GPR141: variants seen among roughly 807,000 people sequenced by gnomAD.
The protein encoded by GPR141 is G protein-coupled receptor 141, also known as probable G protein-coupled receptor 141.
A neutral mutation model predicts 6.8 loss-of-function variants in GPR141; 6 were observed. The observed-to-expected ratio is 0.88, with a 90% CI of 0.48 to 1.74. The LOEUF is 1.74. GPR141 is among the 40% of genes most tolerant of loss of function. The pLI, the probability that GPR141 is intolerant of heterozygous loss-of-function variation, is 0.01. For synonymous variants in GPR141, 140 were observed against 142.3 expected (o/e 0.98, Z 0.11); for missense variants, 372 against 372.9 (o/e 1.00, Z 0.02).
chr7:37,705,032 C>T (rs1016591560), intron 2 of GPR141, among the ~76,000 whole-genome samples: 1 of 152,138 alleles, frequency 6.6e-6, no homozygotes, highest in Admixed American at 6.5e-5. Flanking sequence ...GCAATAGCCA[C>T]TCTAATAATA....
chr7:37,736,174 C>G (rs1812224862), intron 2 of GPR141, among the ~76,000 whole-genome samples: 1 of 151,922 alleles, frequency 6.6e-6, no homozygotes, highest in Admixed American at 6.6e-5. Flanking sequence ...ATTGCTTGAA[C>G]CTGGGAGGCA....
chr7:37,722,980 T>TTCCG (rs975337045), intron 2 of GPR141, among the ~76,000 whole-genome samples: 2 of 143,496 alleles, frequency 1.4e-5, no homozygotes, highest in East Asian at 4.1e-4. Flanking sequence ...CCTTCCTTCC[T>TTCCG]TCTTTCTTTC....
rs575279801 is a variant in GPR141, at chr7:37,742,594, A to G, written c.*1283A>G. On this transcript the variant is annotated 3_prime_UTR_variant, in exon 3 of 3. Coordinates refer to ENST00000334425, the MANE Select transcript of GPR141 (RefSeq NM_001381946.1). ...ATGAAAACTGTGTTTTTAAAAGAGG[A>G]CTTTTGAGAAGTATATAGAAAAACC... Among the ~76,000 whole-genome samples the G allele has an allele frequency of 6.6e-6, 1 of 152,238 alleles. No homozygotes were observed. Among genetic ancestry groups the G allele is most frequent in the South Asian group, 2.1e-4 (1 of 4,818 alleles).
intron 2 of GPR141, among the ~76,000 whole-genome samples, chr7:37,736,406 A>G (rs1181672636): frequency 6.6e-6 from 1 of 151,992 alleles, no homozygotes; most frequent in Non-Finnish European, 1.5e-5. Context: ...GGACAAAGCA[A>G]TATTTGGCGG....
At chr7:37,729,397 C>G (rs1361693014) in intron 2 of GPR141, among the ~76,000 whole-genome samples, 2 of 152,186 alleles carry the variant, frequency 1.3e-5, no homozygotes, top group Admixed American at 6.5e-5. Flanking sequence ...CAGTTTATTT[C>G]TGGGATCCTG....
At chr7:37,731,989 A>C (rs931355739) in intron 2 of GPR141, among the ~76,000 whole-genome samples, 2 of 151,836 alleles carry the variant, frequency 1.3e-5, no homozygotes, top group African/African-American at 4.8e-5. Flanking sequence ...CCTTGTAGAA[A>C]GAAGCAAAGT....
rs1812675828 is a variant in GPR141 at position 37,743,618 on chromosome 7, G to A, written c.*2307G>A. Among the ~76,000 whole-genome samples, 3 of 151,842 alleles carry A rather than the reference G, an allele frequency of 2.0e-5. No homozygotes were observed. In the South Asian group the frequency reaches 6.2e-4, roughly 31 times the overall value. On this transcript the variant is annotated 3_prime_UTR_variant, in exon 3 of 3. Coordinates refer to ENST00000334425, the MANE Select transcript of GPR141 (RefSeq NM_001381946.1). ...AGAATTTCATTACCTTGTAGATTAT[G>A]TCATACTCTTTTCCAGATTTTAGAT...
At chr7:37,712,373 G>A (rs74886653) in intron 2 of GPR141, among the ~76,000 whole-genome samples, 6,679 of 152,292 alleles carry the variant, frequency 0.044, 201 homozygotes, top group Non-Finnish European at 0.069. Flanking sequence ...GACCCAGGGT[G>A]TGTATGTCTG....
intron 2 of GPR141, among the ~76,000 whole-genome samples, chr7:37,730,308 A>G (rs1235667079): frequency 6.6e-6 from 1 of 152,226 alleles, no homozygotes; most frequent in African/African-American, 2.4e-5. Context: ...TACAAAATAA[A>G]GTGTGAGGTG....
chr7:37,742,595 C>A lies in GPR141; in HGVS notation c.*1284C>A, dbSNP rs905961917. ...TGAAAACTGTGTTTTTAAAAGAGGA[C>A]TTTTGAGAAGTATATAGAAAAACCA... On this transcript the variant is annotated 3_prime_UTR_variant, in exon 3 of 3. Coordinates refer to ENST00000334425, the MANE Select transcript of GPR141 (RefSeq NM_001381946.1). Among the ~76,000 whole-genome samples the A allele has an allele frequency of 5.3e-5, 8 of 152,008 alleles. No homozygotes were observed. The highest frequency in any genetic ancestry group is 1.7e-4 in the African/African-American group (7 of 41,374).
chr7:37,699,585 T>G (rs1239816077), intron 2 of GPR141, among the ~76,000 whole-genome samples: 1 of 151,994 alleles, frequency 6.6e-6, no homozygotes, highest in Non-Finnish European at 1.5e-5. Context: ...AACAAATAGG[T>G]GTAGTTATGC....
chr7:37,718,162 ATAGTC>A lies in GPR141; in HGVS notation c.-14-22213_-14-22209del, dbSNP rs1256159772. Among the ~76,000 whole-genome samples the A allele has an allele frequency of 2.6e-5, 4 of 152,172 alleles. No individual in the cohort carries two copies. In the East Asian group the frequency reaches 7.7e-4, roughly 29 times the overall value. ...CACTCTCAGCACCCTCATGGGGACT[ATAGTC>A]TAGTGAGGAAAATGGTCAATTCATA... On this transcript the variant is annotated intron_variant, in intron 2 of 2. Transcript: ENST00000334425.
chr7:37,704,864 T>C (rs1234154575), intron 2 of GPR141, among the ~76,000 whole-genome samples: 2 of 152,212 alleles, frequency 1.3e-5, no homozygotes, highest in African/African-American at 4.8e-5. Context: ...TACTTATTTT[T>C]AACTCATCCA....
chr7:37,710,792 C>T (rs991150687), intron 2 of GPR141, among the ~76,000 whole-genome samples: 2 of 152,166 alleles, frequency 1.3e-5, no homozygotes, highest in Non-Finnish European at 2.9e-5. Context: ...TTTTATTTTA[C>T]ACACAATATT....
At chr7:37,738,761 T>C (rs79163721) in intron 2 of GPR141, among the ~76,000 whole-genome samples, 5,266 of 152,206 alleles carry the variant, frequency 0.035, 322 homozygotes, top group African/African-American at 0.12. Flanking sequence ...GTAACCAACA[T>C]GATATAAAAC....
intron 1 of GPR141, among the ~76,000 whole-genome samples, chr7:37,684,713 A>G (rs987514350): frequency 1.3e-5 from 2 of 152,232 alleles, no homozygotes; most frequent in African/African-American, 4.8e-5. Flanking sequence ...GACTTTTGAT[A>G]GGTCACTTAA....
At chr7:37,730,583 G>T (rs1486934826) in intron 2 of GPR141, among the ~76,000 whole-genome samples, 3 of 152,138 alleles carry the variant, frequency 2.0e-5, no homozygotes, top group Non-Finnish European at 4.4e-5. Context: ...TATATAACAC[G>T]CGTCAAAGCC....
At chr7:37,736,264 T>C (rs1382094212) in intron 2 of GPR141, among the ~76,000 whole-genome samples, 1 of 150,360 alleles carries the variant, frequency 6.7e-6, no homozygotes, top group African/African-American at 2.4e-5. Context: ...AAAAAGAATA[T>C]ATGCAAATGG....
At chr7:37,711,839 A>G (rs554822273) in intron 2 of GPR141, among the ~76,000 whole-genome samples, 2 of 152,186 alleles carry the variant, frequency 1.3e-5, no homozygotes, top group East Asian at 3.9e-4. Flanking sequence ...CAAGTTTTAA[A>G]CTCCAGACAA....
Sources: allele counts gnomAD v4.1 joint callset (sites outside exome capture counted in the v4.1 genomes callset), GRCh38; gene constraint gnomAD v4.1.1; transcripts MANE v1.5; gene names NCBI Gene and HGNC (gene_info 2026-07-23, HGNC 2026-07-21).